Variants in DIP2A observed in about 807,000 individuals in gnomAD.
DIP2A encodes DIP2 acetate--CoA ligase A.
DIP2A carries 85 observed loss-of-function variants against 177.4 expected under a neutral mutation model. The ratio of observed to expected loss-of-function variants is 0.48; its 90% CI spans 0.40 to 0.57. DIP2A has a LOEUF of 0.57. DIP2A is among the 20% of genes least tolerant of loss of function. The pLI is 0.00. For missense variants in DIP2A, 1,791 were observed against 2,100.2 expected (o/e 0.85, Z 2.88); for synonymous variants, 886 against 881.8 (o/e 1.00, Z -0.08).
chr21:46,479,976 A>G (rs901456352), intron 1 of DIP2A, among the ~76,000 whole-genome samples: 4 of 152,156 alleles, frequency 2.6e-5, no homozygotes, highest in Admixed American at 2.6e-4. Flanking sequence ...TTACCAGTGA[A>G]TGGTGCCACC....
chr21:46,554,223 G>C lies in DIP2A; in HGVS notation c.3085G>C (p.Val1029Leu), dbSNP rs750860152. ...CCAGCTGCACAAAAGGGCTGAGAGA[G>C]TGGCCGCGGCTCTGATGGAGAAGGG... ...CVQLHKRAER[V>L]AAALMEKGRL... The change falls in exon 26 of 38, where the codon GTG becomes CTG. Residue 1029 changes from valine (V) to leucine (L), a missense_variant. Transcript: ENST00000417564. 4 of 1,614,006 alleles carry C rather than the reference G, an allele frequency of 2.5e-6. No individual in the cohort carries two copies. Among genetic ancestry groups the C allele is most frequent in the Non-Finnish European group, 3.4e-6 (4 of 1,179,876 alleles).
At chr21:46,497,682 A>G (rs2057431348) in intron 4 of DIP2A, among the ~76,000 whole-genome samples, 1 of 152,234 alleles carries the variant, frequency 6.6e-6, no homozygotes, top group Admixed American at 6.5e-5. Context: ...CTTCACATTC[A>G]TGAACTTGCA....
At chr21:46,581,475 G>T in the DIP2A span, among the ~76,000 whole-genome samples, 1 of 152,176 alleles carries the variant, frequency 6.6e-6, no homozygotes, top group African/African-American at 2.4e-5. Context: ...CCTCTGTCCA[G>T]TTCTGTGCCC....
rs193172731 is a variant in DIP2A, at chr21:46,563,210, C to A, written c.4090-648C>A. Among the ~76,000 whole-genome samples the A allele has an allele frequency of 2.8e-3, 420 of 152,256 alleles. 2 individuals carry two copies. The highest frequency in any genetic ancestry group is 5.0e-3 in the Non-Finnish European group (341 of 68,008). On this transcript the variant is annotated intron_variant, in intron 34 of 37. Coordinates refer to ENST00000417564, the MANE Select transcript of DIP2A (RefSeq NM_015151.4). This position sits in a 1 kb window ranked among gnomAD's most constrained non-coding sequence, Gnocchi z 4.3. ...TAGCTCACACCTCCCTGTGGCCCGT[C>A]GTCCCCTCCTCTTGCCTGCCCTGAG...
At chr21:46,547,111 G>A (rs2060085083) in intron 21 of DIP2A, 69 bp downstream of exon 21, 4 of 1,571,190 alleles carry the variant, frequency 2.5e-6, no homozygotes, top group East Asian at 4.6e-5. Flanking sequence ...TCTTTGTGCA[G>A]TAGATGGAAA....
chr21:46,567,459 C>A lies in DIP2A; in HGVS notation c.4553C>A (p.Thr1518Asn). 6.2e-7 allele frequency: 1 copy of A among 1,613,874 alleles called. No individual in the cohort carries two copies. The highest frequency in any genetic ancestry group is 8.5e-7 in the Non-Finnish European group (1 of 1,179,858). ...GCCCTGGACCTGGTGGCCCTGGTGA[C>A]CAACGTGGTGCTGGAGGAGCACTAC... ...QDALDLVALV[T>N]NVVLEEHYLV... The change falls in exon 38 of 38, where the codon ACC (threonine) becomes AAC (asparagine). Residue 1518 changes from threonine to asparagine, a missense_variant. Coordinates refer to ENST00000417564, the MANE Select transcript of DIP2A (RefSeq NM_015151.4).
At chr21:46,513,464 G>A (rs2058406674) in intron 8 of DIP2A, among the ~76,000 whole-genome samples, 1 of 152,130 alleles carries the variant, frequency 6.6e-6, no homozygotes, top group South Asian at 2.1e-4. Context: ...TTGTCAGTCT[G>A]TTGTCTCTCC....
intron 1 of DIP2A, chr21:46,462,340 T>A (rs1037568673): frequency 2.6e-5 from 4 of 152,188 alleles, no homozygotes; most frequent in African/African-American, 9.7e-5. Flanking sequence ...TTTAGGCAGA[T>A]TTTTGGCTTC....
chr21:46,555,981 G>A lies in DIP2A; in HGVS notation c.3389-1G>A, dbSNP rs775284344. 1 of 1,611,286 alleles carries A rather than the reference G, an allele frequency of 6.2e-7. No individual in the cohort carries two copies. The highest frequency in any genetic ancestry group is 8.5e-7 in the Non-Finnish European group (1 of 1,177,498). ...TGTTGCTGGTGTCTCCTGTTTAACA[G>A]ATGACATCCCAAAAAAGAAGATAGC... On this transcript the variant is annotated splice_acceptor_variant, in intron 28 of 37. Transcript: ENST00000417564. LOFTEE classifies it high-confidence loss of function.
chr21:46,557,532 T>A lies in DIP2A; in HGVS notation c.3630-53T>A. On this transcript the variant is annotated intron_variant, in intron 30 of 37. Coordinates refer to ENST00000417564, the MANE Select transcript of DIP2A (RefSeq NM_015151.4). The surrounding 1 kb of genome is among the most constrained non-coding windows in gnomAD (Gnocchi z 6.0). Reference sequence around the variant, plus strand: ...GTTCTTGAGGAAGGGAAGAGTGGAGTGCCCAGGGTGCTGGGTGGGCGGGCG... The same window carrying A: ...GTTCTTGAGGAAGGGAAGAGTGGAGAGCCCAGGGTGCTGGGTGGGCGGGCG... 1 of 1,549,916 alleles carries A rather than the reference T, an allele frequency of 6.5e-7. No homozygotes were observed. The highest frequency in any genetic ancestry group is 1.2e-5 in the South Asian group (1 of 85,062).
chr21:46,505,220 G>A (rs909743157), intron 6 of DIP2A, among the ~76,000 whole-genome samples: 4 of 152,074 alleles, frequency 2.6e-5, no homozygotes, highest in African/African-American at 9.7e-5. Context: ...ACATTGGCTA[G>A]ACATGTATTT....
intron 26 of DIP2A, 88 bp from the exon 27 acceptor site, chr21:46,554,487 T>C: frequency 6.4e-7 from 1 of 1,561,432 alleles, no homozygotes; most frequent in East Asian, 2.3e-5. Context: ...CAGCACCACC[T>C]CCCCTCCTCT....
At chr21:46,508,035 G>A (rs2058107192) in intron 6 of DIP2A, among the ~76,000 whole-genome samples, 1 of 150,768 alleles carries the variant, frequency 6.6e-6, no homozygotes, top group Non-Finnish European at 1.5e-5. Context: ...ACTGTGCCCA[G>A]CCCCCCATTT....
At chr21:46,475,389 T>TA (rs2055757330) in intron 1 of DIP2A, among the ~76,000 whole-genome samples, 1 of 152,248 alleles carries the variant, frequency 6.6e-6, no homozygotes, top group Non-Finnish European at 1.5e-5. Flanking sequence ...CATTGTTATC[T>TA]ACCTGTATGT....
At chr21:46,547,533 A>G (rs2060101396) in intron 21 of DIP2A, among the ~76,000 whole-genome samples, 1 of 152,112 alleles carries the variant, frequency 6.6e-6, no homozygotes. Flanking sequence ...CCCTGGGCAC[A>G]GGGGCCAGGA....
At chr21:46,547,309 A>T in intron 21 of DIP2A, 1 of 913,476 alleles carries the variant, frequency 1.1e-6, no homozygotes. Context: ...GGGACAAATC[A>T]GGGAGGGAAG....
At chr21:46,541,721 TCG>T (rs767686771) in intron 17 of DIP2A, 33 bp from the exon 18 acceptor site, 1 of 1,611,716 alleles carries the variant, frequency 6.2e-7, no homozygotes, top group Admixed American at 1.7e-5. Context: ...TTCATCCCCC[TCG>T]TCAGTTAAAC....
Position 46,561,810 on chromosome 21 carries a change from T to C in DIP2A, c.4089+5T>C. The C allele has an allele frequency of 6.2e-7, 1 of 1,613,906 alleles. No homozygotes were observed. Among genetic ancestry groups the C allele is most frequent in the Non-Finnish European group, 8.5e-7 (1 of 1,179,812 alleles). ...CCATTGATGGAGTCTGGAAAGGTAG[T>C]GGAAACCAAGACGCGTGCATTCTGA... On this transcript the variant is annotated splice_donor_5th_base_variant and intron_variant, in intron 34 of 37. Transcript: ENST00000417564.
chr21:46,495,122 C>T (rs529711483), intron 3 of DIP2A, among the ~76,000 whole-genome samples: 2 of 152,200 alleles, frequency 1.3e-5, no homozygotes, highest in Non-Finnish European at 2.9e-5. Context: ...GTCTGTACTT[C>T]ATCTCTCTCT....
Sources: gnomAD v4.1 joint callset for allele counts (sites outside exome capture counted in the v4.1 genomes callset) on GRCh38, gnomAD v4.1.1 for gene constraint, Gnocchi (gnomAD v3.1) non-coding constraint, MANE v1.5 for transcripts, NCBI Gene and HGNC (gene_info 2026-07-23, HGNC 2026-07-21) for gene names.